CIMIP6: variants seen among roughly 807,000 people sequenced by gnomAD.
CIMIP6 encodes ciliary microtubule inner protein 6.
chr2:54,378,809 T>A, the CIMIP6 span, among the ~76,000 whole-genome samples: 1 of 152,220 alleles, frequency 6.6e-6, no homozygotes, highest in African/African-American at 2.4e-5. Flanking sequence ...ATAAGCCTCT[T>A]TGGACCCGCA....
chr2:54,341,791 G>T, the CIMIP6 span, among the ~76,000 whole-genome samples: 37 of 152,246 alleles, frequency 2.4e-4, no homozygotes, highest in African/African-American at 8.4e-4. Flanking sequence ...AGTAAGACAA[G>T]ACCTATAAAT....
At chr2:54,350,322 A>G in the CIMIP6 span, among the ~76,000 whole-genome samples, 1 of 152,364 alleles carries the variant, frequency 6.6e-6, no homozygotes, top group East Asian at 1.9e-4. Flanking sequence ...TCATCTTATT[A>G]GCTCAATGTT....
chr2:54,332,641 C>G, the CIMIP6 span, among the ~76,000 whole-genome samples: 1 of 152,236 alleles, frequency 6.6e-6, no homozygotes, highest in South Asian at 2.1e-4. Context: ...ATATTTCACA[C>G]TTATTTATCA....
the CIMIP6 span, among the ~76,000 whole-genome samples, chr2:54,350,976 T>G: frequency 1.2e-4 from 18 of 152,242 alleles, no homozygotes; most frequent in African/African-American, 4.3e-4. Context: ...GATTTTTAAT[T>G]TCAAAGAGAG....
chr2:54,366,115 C>G, the CIMIP6 span, among the ~76,000 whole-genome samples: 44 of 152,152 alleles, frequency 2.9e-4, no homozygotes, highest in African/African-American at 1.0e-3. Context: ...ATTTGGCTGA[C>G]CAGAATAAAG....
At chr2:54,378,738 CCTCTA>C in the CIMIP6 span, among the ~76,000 whole-genome samples, 2 of 152,082 alleles carry the variant, frequency 1.3e-5, no homozygotes, top group African/African-American at 2.4e-5. Context: ...AATGTTGTCC[CCTCTA>C]CTCTGTTTAA....
chr2:54,374,846 C>G, the CIMIP6 span, among the ~76,000 whole-genome samples: 1,901 of 152,344 alleles, frequency 0.012, 42 homozygotes, highest in African/African-American at 0.043. Context: ...CGCCCCACTC[C>G]CCTGCGTGTT....
chr2:54,355,336 G>A, the CIMIP6 span, among the ~76,000 whole-genome samples: 7 of 151,978 alleles, frequency 4.6e-5, no homozygotes, highest in African/African-American at 1.7e-4. Flanking sequence ...CTGCAAGATC[G>A]AGAGGAGAGT....
chr2:54,360,194 CT>C, the CIMIP6 span: 2 of 1,542,710 alleles, frequency 1.3e-6, no homozygotes, highest in South Asian at 1.3e-5. Flanking sequence ...ACTTTGTTTT[CT>C]TTTCCAGAGA....
chr2:54,379,994 T>C, the CIMIP6 span, among the ~76,000 whole-genome samples: 1 of 140,560 alleles, frequency 7.1e-6, no homozygotes, highest in Admixed American at 7.1e-5. Flanking sequence ...AAAAAAAAAA[T>C]TAGCTTGGTG....
chr2:54,349,500 A>C, the CIMIP6 span, among the ~76,000 whole-genome samples: 1 of 152,230 alleles, frequency 6.6e-6, no homozygotes, highest in Non-Finnish European at 1.5e-5. Flanking sequence ...TTCTAATTTT[A>C]ATTAGATCAA....
At chr2:54,374,534 T>C in the CIMIP6 span, among the ~76,000 whole-genome samples, 1 of 152,222 alleles carries the variant, frequency 6.6e-6, no homozygotes, top group Non-Finnish European at 1.5e-5. Flanking sequence ...CAATAATGAA[T>C]CTTTCCAAAT....
chr2:54,336,068 G>T, the CIMIP6 span, among the ~76,000 whole-genome samples: 1 of 152,064 alleles, frequency 6.6e-6, no homozygotes, highest in African/African-American at 2.4e-5. Context: ...ACAGATTTGG[G>T]GCTTAAATCA....
chr2:54,368,398 C>T, the CIMIP6 span, among the ~76,000 whole-genome samples: 2 of 152,154 alleles, frequency 1.3e-5, no homozygotes, highest in Non-Finnish European at 2.9e-5. Context: ...AAGGAAAAGC[C>T]CTGTCAGATG....
chr2:54,379,449 T>G, the CIMIP6 span, among the ~76,000 whole-genome samples: 1 of 152,234 alleles, frequency 6.6e-6, no homozygotes, highest in Non-Finnish European at 1.5e-5. Context: ...TGGGCCATAC[T>G]TGCAGGCTTT....
the CIMIP6 span, among the ~76,000 whole-genome samples, chr2:54,332,758 T>C: frequency 6.6e-6 from 1 of 152,192 alleles, no homozygotes; most frequent in Non-Finnish European, 1.5e-5. Context: ...GTGTATATTG[T>C]TGGGTGATAA....
chr2:54,336,685 T>C, the CIMIP6 span, among the ~76,000 whole-genome samples: 1,032 of 152,300 alleles, frequency 6.8e-3, 10 homozygotes, highest in African/African-American at 0.023. Context: ...ATTGGAATGT[T>C]ACATGGTAGT....
the CIMIP6 span, among the ~76,000 whole-genome samples, chr2:54,370,050 T>C: frequency 1.3e-5 from 2 of 152,110 alleles, no homozygotes; most frequent in South Asian, 2.1e-4. Flanking sequence ...CTGAGGTCAG[T>C]TGAAGACCAG....
the CIMIP6 span, among the ~76,000 whole-genome samples, chr2:54,332,705 C>A: frequency 6.6e-6 from 1 of 152,162 alleles, no homozygotes; most frequent in Non-Finnish European, 1.5e-5. Flanking sequence ...AACTATATAA[C>A]AAATAGCCCC....
Sources: allele counts gnomAD v4.1 joint callset (sites outside exome capture counted in the v4.1 genomes callset), GRCh38; gene constraint gnomAD v4.1.1; transcripts MANE v1.5; gene names NCBI Gene and HGNC (gene_info 2026-07-23, HGNC 2026-07-21).